CAMK2A: variants seen among roughly 807,000 people sequenced by gnomAD.
The protein encoded by CAMK2A is calcium/calmodulin-dependent protein kinase type II subunit alpha.
Under a neutral mutation model 79.2 loss-of-function variants are expected in CAMK2A, and 7 were observed. That is an observed-to-expected ratio of 0.09 (90% CI 0.05 to 0.17). CAMK2A has a LOEUF of 0.17. Among genes scored for constraint, CAMK2A ranks in the 10% least tolerant of loss-of-function variants. The pLI, the probability that CAMK2A is intolerant of heterozygous loss-of-function variation, is 1.00. For synonymous variants in CAMK2A, 242 were observed against 251.7 expected (o/e 0.96, Z 0.36); for missense variants, 214 against 646.4 (o/e 0.33, Z 7.25).
At chr5:150,228,536 C>A (rs1754705752) in intron 16 of CAMK2A, among the ~76,000 whole-genome samples, 1 of 152,196 alleles carries the variant, frequency 6.6e-6, no homozygotes, top group South Asian at 2.1e-4. Context: ...AAGCAAGTGG[C>A]TTAATCCCTT....
intron 1 of CAMK2A, among the ~76,000 whole-genome samples, chr5:150,279,522 C>T (rs1286931754): frequency 6.6e-6 from 1 of 152,214 alleles, no homozygotes; most frequent in East Asian, 1.9e-4. Flanking sequence ...ATAGTAAATG[C>T]TCAAGGAACA....
intron 14 of CAMK2A, among the ~76,000 whole-genome samples, 163 bp downstream of exon 14, chr5:150,239,539 AAC>A (rs550275908): frequency 6.6e-6 from 1 of 151,904 alleles, no homozygotes; most frequent in Non-Finnish European, 1.5e-5. Flanking sequence ...ACACGCAAAC[AAC>A]ACACACACAC....
chr5:150,256,727 G>T lies in CAMK2A; in HGVS notation c.338+39C>A. The T allele has an allele frequency of 6.2e-7, 1 of 1,609,934 alleles. No individual in the cohort carries two copies. The highest frequency in any genetic ancestry group is 8.5e-7 in the Non-Finnish European group (1 of 1,176,258). ...AGCTGACAGCAGGCAAGAGTGCCCTGTCCCCGGGTGCCATTGCCAGGCAGC... is the reference window on the plus strand; with the variant it reads ...AGCTGACAGCAGGCAAGAGTGCCCTTTCCCCGGGTGCCATTGCCAGGCAGC... On this transcript the variant is annotated intron_variant, in intron 5 of 18. Transcript: ENST00000671881. This position sits in a 1 kb window ranked among gnomAD's most constrained non-coding sequence, Gnocchi z 4.6.
intron 10 of CAMK2A, 136 bp downstream of exon 10, chr5:150,250,552 G>T: frequency 8.0e-7 from 1 of 1,251,478 alleles, no homozygotes; most frequent in Non-Finnish European, 1.1e-6. Context: ...TTACCCCTGA[G>T]AACCACAGCA....
At chr5:150,265,944 A>G (rs1415146392) in intron 2 of CAMK2A, among the ~76,000 whole-genome samples, 3 of 152,042 alleles carry the variant, frequency 2.0e-5, no homozygotes, top group African/African-American at 2.4e-5. Flanking sequence ...CAAAAAAAAA[A>G]AAAAGAAAAG....
rs1754310410 is a variant in CAMK2A at position 150,221,566 on chromosome 5, C to T, written c.*1144G>A. On this transcript the variant is annotated 3_prime_UTR_variant, in exon 19 of 19. Transcript: ENST00000671881. ...GTATTTCCATCCTGACAGCCTCCCT[C>T]CTCCTCTCTGCCCTGACTTGCTGTT... 1 of 398,756 alleles carries T rather than the reference C, an allele frequency of 2.5e-6. No individual in the cohort carries two copies. Among genetic ancestry groups the T allele is most frequent in the Non-Finnish European group, 4.4e-6 (1 of 226,082 alleles). The allele number at this position is 398,756 out of a possible 1,614,324, so 24.7% of individuals were successfully genotyped here.
intron 15 of CAMK2A, among the ~76,000 whole-genome samples, chr5:150,233,345 C>G (rs1754924967): frequency 6.6e-6 from 1 of 152,218 alleles, no homozygotes; most frequent in African/African-American, 2.4e-5. Context: ...TTCTCCCACA[C>G]TACACCCAGC....
intron 3 of CAMK2A, among the ~76,000 whole-genome samples, chr5:150,260,415 C>T (rs751596073): frequency 6.0e-5 from 9 of 149,506 alleles, no homozygotes; most frequent in South Asian, 2.1e-4. Flanking sequence ...GTCGAGATCA[C>T]GCTACTGCAC....
At chr5:150,250,021 G>A (rs955448176) in intron 11 of CAMK2A, among the ~76,000 whole-genome samples, 1 of 152,176 alleles carries the variant, frequency 6.6e-6, no homozygotes, top group African/African-American at 2.4e-5. Context: ...CCAGGAACTT[G>A]TCTGTCCTCT....
At chr5:150,251,911 G>A in intron 8 of CAMK2A, 67 bp from the exon 9 acceptor site, 1 of 1,551,510 alleles carries the variant, frequency 6.4e-7, no homozygotes, top group Non-Finnish European at 8.9e-7. Context: ...GGGAGTGATG[G>A]GAAAGGAGAG....
Position 150,221,442 on chromosome 5 carries a change from G to C in CAMK2A, c.*1268C>G, listed in dbSNP as rs1315018054. ...GCTCACGGGCCCCCCAGAGGTGGGT[G>C]GGGGGTGCTGGGGGCGGCACACAGA... On this transcript the variant is annotated 3_prime_UTR_variant, in exon 19 of 19. Transcript: ENST00000671881. 14 of 398,548 alleles carry C rather than the reference G, an allele frequency of 3.5e-5. No individual in the cohort carries two copies. Among genetic ancestry groups the C allele is most frequent in the African/African-American group, 1.2e-4 (6 of 48,602 alleles). The allele number at this position is 398,548 out of a possible 1,614,324, so 24.7% of individuals were successfully genotyped here. A position where few individuals can be genotyped will look rare whatever the true frequency, so the allele number is the denominator to read the frequency against.
intron 15 of CAMK2A, among the ~76,000 whole-genome samples, chr5:150,231,662 G>A (rs2114027253): frequency 6.6e-6 from 1 of 150,400 alleles, no homozygotes; most frequent in South Asian, 2.1e-4. Flanking sequence ...AAAGGCCAGA[G>A]CCAGTGTCTC....
chr5:150,220,332 C>G lies in CAMK2A; in HGVS notation c.*2378G>C, dbSNP rs1754244181. The G allele has an allele frequency of 6.6e-6, 1 of 152,306 alleles. No homozygotes were observed. The highest frequency in any genetic ancestry group is 2.1e-4 in the South Asian group (1 of 4,820). 9.4% of individuals were successfully genotyped at this position (152,306 alleles called of 1,614,324 possible). A position where few individuals can be genotyped will look rare whatever the true frequency, so the allele number is the denominator to read the frequency against. On this transcript the variant is annotated 3_prime_UTR_variant, in exon 19 of 19. Transcript: ENST00000671881. The stretch of plus-strand genomic sequence containing the variant: ...CTGCTGAAAAGCAGTTGACAGGCAC[C>G]GACGAGGGGAATCAGGGGCAGGTGG...
intron 3 of CAMK2A, among the ~76,000 whole-genome samples, chr5:150,261,571 C>T (rs554321436): frequency 6.6e-6 from 1 of 152,310 alleles, no homozygotes; most frequent in Non-Finnish European, 1.5e-5. Flanking sequence ...TCATGCACTT[C>T]TGGCATGCCT....
At position 150,241,439 on chromosome 5, in the gene CAMK2A, CCTCT is replaced by C. The variant is rs1322204053; in HGVS notation, c.985-1707_985-1704del. On this transcript the variant is annotated intron_variant, in intron 13 of 18. Transcript: ENST00000671881. ...CTCTTCTCTTCCCCTCCCCTCCCCTCCTCTCTCTTTTACTCCGTTCCCTCGCCCT... is the reference window on the plus strand; with the variant it reads ...CTCTTCTCTTCCCCTCCCCTCCCCTCCTCTTTTACTCCGTTCCCTCGCCCT... Among the ~76,000 whole-genome samples the C allele has an allele frequency of 3.4e-5, 5 of 145,022 alleles. No individual in the cohort carries two copies. The East Asian group carries it at 1.0e-3, about 30-fold the overall frequency.
At chr5:150,260,663 T>G (rs1274367340) in intron 3 of CAMK2A, among the ~76,000 whole-genome samples, 1 of 152,168 alleles carries the variant, frequency 6.6e-6, no homozygotes, top group Non-Finnish European at 1.5e-5. Context: ...AGATGATATA[T>G]GTAAGTATAC....
intron 15 of CAMK2A, among the ~76,000 whole-genome samples, chr5:150,237,475 C>T (rs963187299): frequency 6.6e-6 from 1 of 152,090 alleles, no homozygotes; most frequent in African/African-American, 2.4e-5. Flanking sequence ...GCTGCTAACA[C>T]TTGGAGGATT....
At position 150,228,200 on chromosome 5, in the gene CAMK2A, A is replaced by G; in HGVS notation, c.1229T>C (p.Phe410Ser). The G allele has an allele frequency of 6.2e-7, 1 of 1,613,132 alleles. No individual in the cohort carries two copies. The highest frequency in any genetic ancestry group is 8.5e-7 in the Non-Finnish European group (1 of 1,179,410). The part of the protein sequence containing the change: ...VEGLDFHRFY[F>S]ENLWSRNSKP... ...GAGAAGGAATTGCTCACGGTTTTCA[A>G]AATAGAATCGATGGAAGTCCAGGCC... Residue 410 changes from phenylalanine to serine, a missense_variant, in exon 17 of 19, where the codon TTT becomes TCT. By Grantham distance (155) the Phe-to-Ser change is radical. Transcript: ENST00000671881.
intron 6 of CAMK2A, among the ~76,000 whole-genome samples, chr5:150,254,016 C>T (rs1755949780): frequency 2.0e-5 from 3 of 152,212 alleles, no homozygotes; most frequent in Admixed American, 1.3e-4. Context: ...TTGAAACAGT[C>T]CATCTTGTTT....
Sources: allele counts gnomAD v4.1 joint callset (sites outside exome capture counted in the v4.1 genomes callset), GRCh38; gene constraint gnomAD v4.1.1; non-coding constraint Gnocchi (gnomAD v3.1); transcripts MANE v1.5; gene names NCBI Gene and HGNC (gene_info 2026-07-23, HGNC 2026-07-21).